MROH9: variants seen among roughly 807,000 people sequenced by gnomAD.
MROH9 encodes the protein maestro heat like repeat family member 9, also known as maestro heat-like repeat-containing protein family member 9.
A neutral mutation model predicts 98.2 loss-of-function variants in MROH9; 92 were observed. The ratio of observed to expected loss-of-function variants is 0.94; its 90% confidence interval spans 0.79 to 1.11. The LOEUF (loss-of-function observed/expected upper bound fraction) is 1.11, where lower values mean the gene tolerates loss of function less well. Among genes scored for constraint, MROH9 ranks in the 50% most tolerant of loss-of-function variants. The pLI is 0.00. For missense variants in MROH9, 1,057 were observed against 1,014.8 expected (o/e 1.04, Z -0.57); for synonymous variants, 397 against 368.9 (o/e 1.08, Z -0.87).
intron 20 of MROH9, among the ~76,000 whole-genome samples, chr1:171,050,531 T>C (rs1296766659): frequency 6.6e-6 from 1 of 152,228 alleles, no homozygotes; most frequent in Non-Finnish European, 1.5e-5. Flanking sequence ...TGATTTGGTA[T>C]CCTGAAACTT....
intron 15 of MROH9, among the ~76,000 whole-genome samples, chr1:171,009,724 AAG>A (rs1652083973): frequency 6.6e-6 from 1 of 152,200 alleles, no homozygotes; most frequent in South Asian, 2.1e-4. Context: ...AATGGTTTCT[AAG>A]TGCTATTACT....
At chr1:171,011,745 T>G (rs537304757) in intron 15 of MROH9, among the ~76,000 whole-genome samples, 2 of 152,312 alleles carry the variant, frequency 1.3e-5, no homozygotes, top group Admixed American at 6.5e-5. Flanking sequence ...AGATATTCTT[T>G]TTAAATTTTT....
At chr1:170,974,798 T>C (rs1049377282) in intron 8 of MROH9, among the ~76,000 whole-genome samples, 3 of 152,028 alleles carry the variant, frequency 2.0e-5, no homozygotes, top group Non-Finnish European at 4.4e-5. Flanking sequence ...CTTTAAATGA[T>C]AATCAACTCT....
At chr1:171,025,688 T>C (rs1470248686) in intron 20 of MROH9, among the ~76,000 whole-genome samples, 2 of 152,158 alleles carry the variant, frequency 1.3e-5, no homozygotes, top group Non-Finnish European at 2.9e-5. Flanking sequence ...CCATTGTTCA[T>C]TTTTCCCCTT....
intron 20 of MROH9, among the ~76,000 whole-genome samples, chr1:171,049,661 A>G: frequency 6.7e-6 from 1 of 149,142 alleles, no homozygotes; most frequent in African/African-American, 2.5e-5. Context: ...TTCTTTACCC[A>G]CTTTTTAATG....
At chr1:170,969,267 A>G (rs369470188) in intron 7 of MROH9, among the ~76,000 whole-genome samples, 1 of 152,334 alleles carries the variant, frequency 6.6e-6, no homozygotes, top group East Asian at 1.9e-4. Context: ...AGTTGTATAC[A>G]TGCTACAACA....
At chr1:170,982,536 T>G (rs1444858757) in intron 8 of MROH9, among the ~76,000 whole-genome samples, 2 of 152,152 alleles carry the variant, frequency 1.3e-5, no homozygotes, top group African/African-American at 4.8e-5. Flanking sequence ...TTTTTTTTCC[T>G]GTGGTAATGT....
intron 3 of MROH9, among the ~76,000 whole-genome samples, chr1:170,949,816 A>G (rs1649477234): frequency 6.6e-6 from 1 of 152,050 alleles, no homozygotes; most frequent in African/African-American, 2.4e-5. Context: ...TGGATGGACC[A>G]AAAAGGAAAC....
In MROH9 at chr1:171,064,353, A is replaced by G; in HGVS notation, c.*13A>G. On this transcript the variant is annotated 3_prime_UTR_variant, in exon 22 of 22. Transcript: ENST00000367759. ...TAAGGCCTTATAGAAGAGAATGATG[A>G]TGACATTCATCATTCATAAACAATG... The G allele has an allele frequency of 1.3e-6, 2 of 1,515,442 alleles. No homozygotes were observed. Among genetic ancestry groups the G allele is most frequent in the Middle Eastern group, 1.8e-4 (1 of 5,472 alleles). 93.9% of individuals were successfully genotyped at this position (1,515,442 alleles called of 1,614,324 possible).
intron 1 of MROH9, among the ~76,000 whole-genome samples, chr1:170,938,957 C>A (rs538099156): frequency 1.3e-5 from 2 of 152,168 alleles, no homozygotes; most frequent in African/African-American, 4.8e-5. Flanking sequence ...AATTTACATC[C>A]CTGACACTAT....
At chr1:171,056,614 G>A (rs924148590) in intron 20 of MROH9, among the ~76,000 whole-genome samples, 4 of 152,124 alleles carry the variant, frequency 2.6e-5, no homozygotes, top group Admixed American at 6.5e-5. Flanking sequence ...GCACACCCCT[G>A]CACCAAGGGT....
chr1:171,046,011 T>A (rs1653463035), intron 20 of MROH9, among the ~76,000 whole-genome samples: 1 of 152,172 alleles, frequency 6.6e-6, no homozygotes, highest in Non-Finnish European at 1.5e-5. Flanking sequence ...TTGTTATATC[T>A]TCTTGCTGAA....
At chr1:170,966,415 G>A (rs995726685) in intron 7 of MROH9, among the ~76,000 whole-genome samples, 17 of 151,966 alleles carry the variant, frequency 1.1e-4, no homozygotes, top group East Asian at 9.6e-4. Flanking sequence ...CCTTCACAGC[G>A]ATTTGTAAAC....
At chr1:171,019,959 A>G (rs1652461656) in intron 17 of MROH9, among the ~76,000 whole-genome samples, 1 of 152,214 alleles carries the variant, frequency 6.6e-6, no homozygotes, top group Non-Finnish European at 1.5e-5. Context: ...CCAGCACTGC[A>G]AACTACCATC....
Position 171,036,568 on chromosome 1 carries a change from C to T in MROH9, c.2281+11148C>T, listed in dbSNP as rs76755099. ...ACTATGTACCTTAGACTCTCTCACA[C>T]AGGTGCATCTGGAGACATGTAGAAG... is the stretch of plus-strand genomic sequence containing the variant. On this transcript the variant is annotated intron_variant, in intron 20 of 21. Transcript: ENST00000367759. Among the ~76,000 whole-genome samples the T allele has an allele frequency of 6.9e-3, 1,049 of 152,016 alleles. 11 individuals are homozygous for T. The highest frequency in any genetic ancestry group is 0.024 in the African/African-American group (1,011 of 41,508).
chr1:170,976,199 GATTA>G (rs1650679759), intron 8 of MROH9, among the ~76,000 whole-genome samples: 2 of 152,110 alleles, frequency 1.3e-5, no homozygotes, highest in African/African-American at 4.8e-5. Flanking sequence ...GATGTTAGCT[GATTA>G]ATTACGCAGA....
intron 15 of MROH9, among the ~76,000 whole-genome samples, chr1:171,001,248 T>C (rs992657311): frequency 3.3e-5 from 5 of 152,142 alleles, no homozygotes; most frequent in African/African-American, 9.7e-5. Context: ...TTACATTCAG[T>C]TCTGCTGTGA....
At chr1:170,994,546 A>G (rs1167990514) in intron 12 of MROH9, among the ~76,000 whole-genome samples, 1 of 152,160 alleles carries the variant, frequency 6.6e-6, no homozygotes, top group Non-Finnish European at 1.5e-5. Context: ...CATATAATAT[A>G]AAATACGCAC....
intron 8 of MROH9, among the ~76,000 whole-genome samples, chr1:170,975,342 A>G (rs778253522): frequency 3.9e-5 from 6 of 152,160 alleles, no homozygotes; most frequent in Non-Finnish European, 8.8e-5. Flanking sequence ...ATAAAAAGAT[A>G]TATTTTAGAG....
Sources: allele counts gnomAD v4.1 joint callset (sites outside exome capture counted in the v4.1 genomes callset), GRCh38; gene constraint gnomAD v4.1.1; transcripts MANE v1.5; gene names NCBI Gene and HGNC (gene_info 2026-07-23, HGNC 2026-07-21).